The following EPHB2 variants were observed in gnomAD, a reference collection of about 807,000 sequenced individuals.
EPHB2 encodes ephrin type-B receptor 2.
EPHB2 carries 18 observed loss-of-function variants against 96.4 expected under a neutral mutation model. That is an observed-to-expected ratio of 0.19 (90% CI 0.13 to 0.28). The LOEUF (loss-of-function observed/expected upper bound fraction) is 0.28. Among genes scored for constraint, EPHB2 ranks in the 10% least tolerant of loss-of-function variants. EPHB2 has a pLI of 1.00. For missense variants in EPHB2, 989 were observed against 1,355.4 expected (o/e 0.73, Z 4.25); for synonymous variants, 506 against 534.1 (o/e 0.95, Z 0.72).
chr1:22,836,600 G>A (rs1160034668), intron 3 of EPHB2: 2 of 152,280 alleles, frequency 1.3e-5, no homozygotes, highest in Admixed American at 1.3e-4. Context: ...GGGGGCCTGT[G>A]CGTGGCCTGC....
In EPHB2 at chr1:22,733,863, G is replaced by A. The variant is rs1010279662; in HGVS notation, c.61+22820G>A. Among the ~76,000 whole-genome samples, 13 of 152,140 alleles carry A rather than the reference G, an allele frequency of 8.5e-5. No individual in the cohort carries two copies. The highest frequency in any genetic ancestry group is 3.1e-4 in the African/African-American group (13 of 41,400). On this transcript the variant is annotated intron_variant, in intron 1 of 15. Coordinates refer to ENST00000374630, the MANE Select transcript of EPHB2 (RefSeq NM_017449.5). This position sits in a 1 kb window ranked among gnomAD's most constrained non-coding sequence, Gnocchi z 4.6. ...GGACAGAGCTAGAAGTTGAACCCGG[G>A]ACTGGATTCTTGACCTGGTATGATT...
At chr1:22,766,101 G>GAAC (rs1428715589) in intron 1 of EPHB2, among the ~76,000 whole-genome samples, 1 of 152,184 alleles carries the variant, frequency 6.6e-6, no homozygotes, top group Non-Finnish European at 1.5e-5. Context: ...AAGGCCAAGT[G>GAAC]AACACTCCCT....
intron 1 of EPHB2, among the ~76,000 whole-genome samples, chr1:22,769,812 A>C (rs1417386735): frequency 6.6e-6 from 1 of 152,130 alleles, no homozygotes; most frequent in Non-Finnish European, 1.5e-5. Context: ...TGTATAAATG[A>C]GTGATGTGAA....
chr1:22,806,404 G>A (rs1557685649), intron 3 of EPHB2, among the ~76,000 whole-genome samples: 1 of 152,108 alleles, frequency 6.6e-6, no homozygotes, highest in East Asian at 1.9e-4. Context: ...CTGTGCCCCC[G>A]GCTCTGAGCA....
At chr1:22,750,234 T>C (rs1257913546) in intron 1 of EPHB2, among the ~76,000 whole-genome samples, 1 of 152,114 alleles carries the variant, frequency 6.6e-6, no homozygotes, top group Non-Finnish European at 1.5e-5. Context: ...GTAGTTTATA[T>C]TGGGGCAGCC....
At chr1:22,801,932 G>A (rs966947650) in intron 3 of EPHB2, among the ~76,000 whole-genome samples, 6 of 152,358 alleles carry the variant, frequency 3.9e-5, no homozygotes, top group African/African-American at 1.4e-4. Flanking sequence ...GAGAGTGACA[G>A]CCGCGCCGAA....
intron 3 of EPHB2, among the ~76,000 whole-genome samples, chr1:22,785,478 C>T (rs1390370396): frequency 4.6e-5 from 7 of 152,246 alleles, no homozygotes; most frequent in African/African-American, 1.7e-4. Context: ...AGCTTTTACT[C>T]TGTCAGTATA....
Position 22,904,234 on chromosome 1 carries a change from A to G in EPHB2, c.1766-1753A>G, listed in dbSNP as rs147841335. The stretch of plus-strand genomic sequence containing the variant: ...CTTGAACCCTGGAGGCGGAGGTTGC[A>G]GTGAGCTGAGATTGTGCCACTGCAC... On this transcript the variant is annotated intron_variant, in intron 9 of 15. Coordinates refer to ENST00000374630, the MANE Select transcript of EPHB2 (RefSeq NM_017449.5). 6.8e-3 allele frequency among the ~76,000 whole-genome samples: 1,035 copies of G among 151,552 alleles called. 16 individuals carry two copies. The highest frequency in any genetic ancestry group is 0.023 in the African/African-American group (964 of 41,310).
chr1:22,842,504 C>T (rs1645484505), intron 3 of EPHB2, among the ~76,000 whole-genome samples: 1 of 152,088 alleles, frequency 6.6e-6, no homozygotes, highest in Admixed American at 6.5e-5. Context: ...TCCCTGGCCA[C>T]CCTGTGCCCC....
At chr1:22,843,848 C>T (rs539944538) in intron 3 of EPHB2, among the ~76,000 whole-genome samples, 1 of 152,168 alleles carries the variant, frequency 6.6e-6, no homozygotes, top group Admixed American at 6.5e-5. Flanking sequence ...GCCTCTTGTT[C>T]CCTTCTTTGT....
intron 1 of EPHB2, among the ~76,000 whole-genome samples, chr1:22,722,654 G>A (rs1175838293): frequency 1.3e-5 from 2 of 152,218 alleles, no homozygotes; most frequent in Non-Finnish European, 2.9e-5. Flanking sequence ...ATGTTTGAAG[G>A]CAGAAAGCAT....
chr1:22,850,364 C>T (rs540123560), intron 3 of EPHB2, among the ~76,000 whole-genome samples: 57 of 152,304 alleles, frequency 3.7e-4, no homozygotes, highest in African/African-American at 1.3e-3. Context: ...ACAGGGGACC[C>T]GCACGTGGGG....
Position 22,784,841 on chromosome 1 carries a change from C to CT in EPHB2, c.578dup (p.Tyr194LeufsTer22). 6.2e-7 allele frequency: 1 copy of CT among 1,607,700 alleles called. No homozygotes were observed. Among genetic ancestry groups the CT allele is most frequent in the Non-Finnish European group, 8.5e-7 (1 of 1,176,084 alleles). On this transcript the variant is annotated frameshift_variant, in exon 3 of 16. Coordinates refer to ENST00000374630, the MANE Select transcript of EPHB2 (RefSeq NM_017449.5). LOFTEE classifies it high-confidence loss of function. The surrounding 1 kb of genome is among the most constrained non-coding windows in gnomAD (Gnocchi z 5.1). The stretch of plus-strand genomic sequence containing the variant: ...GCATGTCCCTCATCGCCGTGCGTGT[C>CT]TTCTACCGCAAGTGCCCCCGCATCA...
intron 15 of EPHB2, 93 bp downstream of exon 15, chr1:22,912,692 A>T: frequency 6.3e-7 from 1 of 1,579,946 alleles, no homozygotes. Flanking sequence ...TGAGGAATAG[A>T]TCATGTCCCA....
At chr1:22,814,574 A>C (rs568780218) in intron 3 of EPHB2, among the ~76,000 whole-genome samples, 1 of 152,164 alleles carries the variant, frequency 6.6e-6, no homozygotes, top group Non-Finnish European at 1.5e-5. Context: ...GCACTGCATC[A>C]TGGTAGTCTC....
intron 1 of EPHB2, among the ~76,000 whole-genome samples, chr1:22,722,846 G>A (rs1414142127): frequency 3.3e-5 from 5 of 152,210 alleles, no homozygotes; most frequent in Non-Finnish European, 4.4e-5. Context: ...TAGACAAGGC[G>A]TCCTGGAAGA....
intron 1 of EPHB2, among the ~76,000 whole-genome samples, chr1:22,735,688 G>A (rs908151792): frequency 5.9e-5 from 9 of 152,188 alleles, no homozygotes; most frequent in African/African-American, 2.2e-4. Context: ...TGATGGGAAA[G>A]TCTGCAATTC....
At chr1:22,888,263 G>A (rs530878215) in intron 6 of EPHB2, among the ~76,000 whole-genome samples, 1 of 152,102 alleles carries the variant, frequency 6.6e-6, no homozygotes, top group Non-Finnish European at 1.5e-5. Context: ...GGCTGTTCTC[G>A]AACTCCTGAC....
At chr1:22,866,930 G>A (rs945011174) in intron 5 of EPHB2, among the ~76,000 whole-genome samples, 3 of 152,130 alleles carry the variant, frequency 2.0e-5, no homozygotes, top group Non-Finnish European at 4.4e-5. Context: ...GCAAAATTCT[G>A]TCTAAGTAAA....
Sources: allele counts gnomAD v4.1 joint callset (sites outside exome capture counted in the v4.1 genomes callset), GRCh38; gene constraint gnomAD v4.1.1; non-coding constraint Gnocchi (gnomAD v3.1); transcripts MANE v1.5; gene names NCBI Gene and HGNC (gene_info 2026-07-23, HGNC 2026-07-21).